TNFRSF8: variants seen among roughly 807,000 people sequenced by gnomAD.
The protein encoded by TNFRSF8 is TNF receptor superfamily member 8.
Under a neutral mutation model 70.8 loss-of-function variants are expected in TNFRSF8, and 26 were observed. That is an observed-to-expected ratio of 0.37 (90% CI 0.27 to 0.51). TNFRSF8 has a LOEUF of 0.51. Ranked by LOEUF, TNFRSF8 falls within the 20% of genes least tolerant of loss-of-function variation. TNFRSF8 has a pLI of 0.94. For missense variants in TNFRSF8, 720 were observed against 807.9 expected (o/e 0.89, Z 1.32); for synonymous variants, 356 against 339.2 (o/e 1.05, Z -0.54).
Position 12,088,278 on chromosome 1 carries a change from C to T in TNFRSF8, c.151+3727C>T, listed in dbSNP as rs1234927248. 2.0e-5 allele frequency among the ~76,000 whole-genome samples: 3 copies of T among 152,236 alleles called. No individual in the cohort carries two copies. Among genetic ancestry groups the T allele is most frequent in the African/African-American group, 7.2e-5 (3 of 41,542 alleles). The stretch of plus-strand genomic sequence containing the variant: ...CTCATAACAATGACCACGATTCATA[C>T]CGATGGAGCACGCTATGTGCTGGCC... On this transcript the variant is annotated intron_variant, in intron 2 of 14. Transcript: ENST00000263932. The surrounding 1 kb of genome is among the most constrained non-coding windows in gnomAD (Gnocchi z 4.0).
At chr1:12,107,374 G>T (rs12744615) in intron 4 of TNFRSF8, among the ~76,000 whole-genome samples, 1 of 151,188 alleles carries the variant, frequency 6.6e-6, no homozygotes, top group Non-Finnish European at 1.5e-5. Flanking sequence ...CAACCTGGGC[G>T]ACAGAGTTAG....
intron 12 of TNFRSF8, among the ~76,000 whole-genome samples, chr1:12,127,167 C>T (rs1290311790): frequency 1.3e-5 from 2 of 152,250 alleles, no homozygotes; most frequent in East Asian, 1.9e-4. Flanking sequence ...GCAGCCCCTT[C>T]AAGGCAGGCC....
intron 14 of TNFRSF8, among the ~76,000 whole-genome samples, chr1:12,140,619 C>T (rs1411394859): frequency 1.3e-5 from 2 of 152,180 alleles, no homozygotes; most frequent in Non-Finnish European, 2.9e-5. Flanking sequence ...TTTCCAGACC[C>T]CTCTTTCACT....
At chr1:12,074,796 T>C (rs1296504809) in intron 1 of TNFRSF8, among the ~76,000 whole-genome samples, 2 of 152,090 alleles carry the variant, frequency 1.3e-5, no homozygotes, top group Non-Finnish European at 2.9e-5. Context: ...TTTGTTTGTT[T>C]ATTTATTTAT....
chr1:12,076,097 C>CTTTTTTTTTTTTTTTT (rs397829917), intron 1 of TNFRSF8, among the ~76,000 whole-genome samples: 16 of 139,474 alleles, frequency 1.1e-4, no homozygotes, highest in Non-Finnish European at 1.6e-4. Flanking sequence ...TTTTTTTTTT[C>CTTTTTTTTTTTTTTTT]TTTTTCTTTT....
intron 12 of TNFRSF8, among the ~76,000 whole-genome samples, chr1:12,126,910 T>C (rs1641952091): frequency 6.6e-6 from 1 of 152,252 alleles, no homozygotes; most frequent in African/African-American, 2.4e-5. Context: ...GGCTGGCCTG[T>C]GCCTGGGGCT....
At chr1:12,073,014 G>A (rs770941992) in intron 1 of TNFRSF8, among the ~76,000 whole-genome samples, 10 of 152,210 alleles carry the variant, frequency 6.6e-5, no homozygotes, top group Admixed American at 1.3e-4. Flanking sequence ...CAGGCTGGGC[G>A]CCAAGGCTCA....
At chr1:12,133,201 A>T (rs1220622876) in intron 12 of TNFRSF8, among the ~76,000 whole-genome samples, 1 of 151,980 alleles carries the variant, frequency 6.6e-6, no homozygotes, top group African/African-American at 2.4e-5. Context: ...TTGTTGCCAG[A>T]TGGCTCTTTA....
chr1:12,111,028 G>A (rs11569880), intron 6 of TNFRSF8, among the ~76,000 whole-genome samples: 1,661 of 152,276 alleles, frequency 0.011, 29 homozygotes, highest in African/African-American at 0.037. Context: ...ACATCTTTGC[G>A]TGTATGTGCT....
intron 1 of TNFRSF8, among the ~76,000 whole-genome samples, chr1:12,075,260 T>G (rs1640918919): frequency 6.6e-6 from 1 of 151,030 alleles, no homozygotes; most frequent in East Asian, 2.0e-4. Flanking sequence ...AATTTTTTTT[T>G]TTTTTTAAAG....
At chr1:12,104,618 G>A (rs11569852) in intron 4 of TNFRSF8, 87 bp downstream of exon 4, 116,266 of 1,501,850 alleles carry the variant, frequency 0.077, 4,782 homozygotes, top group East Asian at 0.086. Flanking sequence ...GTTGACTTCC[G>A]ACCTCCCGCT....
intron 3 of TNFRSF8, among the ~76,000 whole-genome samples, chr1:12,104,106 G>A (rs189403658): frequency 5.3e-5 from 8 of 152,222 alleles, no homozygotes; most frequent in Admixed American, 5.2e-4. Flanking sequence ...TCATGTAGTT[G>A]GAATGACAGT....
intron 13 of TNFRSF8, among the ~76,000 whole-genome samples, chr1:12,137,330 A>G (rs969702699): frequency 7.8e-6 from 1 of 128,930 alleles, no homozygotes; most frequent in African/African-American, 2.9e-5. Context: ...TAATAATAAT[A>G]ATGGCAAAGA....
In TNFRSF8 at chr1:12,108,493, C is replaced by T. The variant is rs1223637322; in HGVS notation, c.422-1073C>T. 6.6e-6 allele frequency among the ~76,000 whole-genome samples: 1 copy of T among 152,170 alleles called. No individual in the cohort carries two copies. Among genetic ancestry groups the T allele is most frequent in the East Asian group, 1.9e-4 (1 of 5,190 alleles). On this transcript the variant is annotated intron_variant, in intron 4 of 14. Coordinates refer to ENST00000263932, the MANE Select transcript of TNFRSF8 (RefSeq NM_001243.5). This position sits in a 1 kb window ranked among gnomAD's most constrained non-coding sequence, Gnocchi z 4.0. The stretch of plus-strand genomic sequence containing the variant: ...CCTCACGTGCACTCTTCTGTTTATC[C>T]TGACGACAGCCTGGTGAAGAGTGTA...
intron 8 of TNFRSF8, among the ~76,000 whole-genome samples, chr1:12,116,419 G>T (rs968892809): frequency 6.6e-5 from 10 of 152,306 alleles, no homozygotes; most frequent in Non-Finnish European, 1.0e-4. Flanking sequence ...ACAGTTTTTT[G>T]TTGTTGTTGT....
chr1:12,066,601 C>T (rs926827419), intron 1 of TNFRSF8, among the ~76,000 whole-genome samples: 8 of 152,028 alleles, frequency 5.3e-5, no homozygotes, highest in Admixed American at 2.6e-4. Flanking sequence ...GATCCATCCA[C>T]CTCGGCATCC....
At chr1:12,118,810 G>A (rs1434506360) in intron 8 of TNFRSF8, among the ~76,000 whole-genome samples, 2 of 152,186 alleles carry the variant, frequency 1.3e-5, no homozygotes, top group African/African-American at 4.8e-5. Flanking sequence ...GCGCTAGAGG[G>A]CCATCGCAGG....
intron 1 of TNFRSF8, among the ~76,000 whole-genome samples, chr1:12,073,444 TTCCTTCCTTCCTTCC>T (rs1286893417): frequency 0.013 from 1,995 of 151,724 alleles, 41 homozygotes; most frequent in African/African-American, 0.045. Context: ...CTCTCTTTTC[TTCCTTCCTTCCTTCC>T]TTTCTTCTTC....
intron 1 of TNFRSF8, among the ~76,000 whole-genome samples, chr1:12,073,669 A>G (rs1208667972): frequency 2.7e-5 from 4 of 149,348 alleles, no homozygotes; most frequent in African/African-American, 5.0e-5. Context: ...TCGTGGCTCA[A>G]TGCAACCTCT....
Sources: allele counts gnomAD v4.1 joint callset (sites outside exome capture counted in the v4.1 genomes callset), GRCh38; gene constraint gnomAD v4.1.1; non-coding constraint Gnocchi (gnomAD v3.1); transcripts MANE v1.5; gene names NCBI Gene and HGNC (gene_info 2026-07-23, HGNC 2026-07-21).